The following INPP5F variants were observed in gnomAD, a reference collection of about 807,000 sequenced individuals.
INPP5F encodes the protein phosphatidylinositide 4-phosphatase SAC2.
A neutral mutation model predicts 137.2 loss-of-function variants in INPP5F; 97 were observed. The ratio of observed to expected loss-of-function variants is 0.71; its 90% CI spans 0.60 to 0.84. The LOEUF (loss-of-function observed/expected upper bound fraction) is 0.84. Ranked by LOEUF, INPP5F falls within the 40% of genes least tolerant of loss-of-function variation. The pLI is 0.00. For synonymous variants in INPP5F, 504 were observed against 476.9 expected (o/e 1.06, Z -0.74); for missense variants, 1,271 against 1,371.9 (o/e 0.93, Z 1.16).
chr10:119,732,492 TCTTTTTTC>T (rs1848104199), intron 1 of INPP5F, among the ~76,000 whole-genome samples: 3 of 129,674 alleles, frequency 2.3e-5, no homozygotes, highest in East Asian at 2.1e-4. Flanking sequence ...TTTTCTTTTT[TCTTTTTTC>T]TTTTTTTTTT....
At chr10:119,819,252 A>AGGGG (rs1669331515) in intron 15 of INPP5F, 14 of 44,138 alleles carry the variant, frequency 3.2e-4, no homozygotes, top group Non-Finnish European at 4.6e-4. Context: ...TTAAAGGGGA[A>AGGGG]GGGTGGGTGG....
chr10:119,744,854 C>T (rs983787047), intron 1 of INPP5F, among the ~76,000 whole-genome samples: 4 of 152,190 alleles, frequency 2.6e-5, no homozygotes, highest in Admixed American at 6.5e-5. Flanking sequence ...TCCCTCCTCT[C>T]GTTCTTAAAT....
In INPP5F at chr10:119,804,317, ATAGTGT is replaced by A; in HGVS notation, c.1241+22_1241+27del. On this transcript the variant is annotated intron_variant, in intron 10 of 19. Transcript: ENST00000650623. ...GCACTGGTAAGATGGCTTTCGGAGA[ATAGTGT>A]TGATCAATTGCAGTGTTTTTGGTAG... 4 of 1,594,592 alleles carry A rather than the reference ATAGTGT, an allele frequency of 2.5e-6. No homozygotes were observed. Among genetic ancestry groups the A allele is most frequent in the Non-Finnish European group, 3.4e-6 (4 of 1,172,284 alleles).
intron 3 of INPP5F, among the ~76,000 whole-genome samples, chr10:119,782,924 A>G (rs1229923497): frequency 2.0e-5 from 3 of 152,202 alleles, no homozygotes; most frequent in East Asian, 1.9e-4. Context: ...TGCCTTAAGA[A>G]TAAGTAAAAA....
At chr10:119,811,220 T>C (rs1002736037) in intron 14 of INPP5F, among the ~76,000 whole-genome samples, 2 of 152,230 alleles carry the variant, frequency 1.3e-5, no homozygotes, top group Non-Finnish European at 2.9e-5. Flanking sequence ...AGTAGCAATC[T>C]GTGCTTGTCT....
chr10:119,728,914 C>T (rs1244353261), intron 1 of INPP5F, among the ~76,000 whole-genome samples: 1 of 152,170 alleles, frequency 6.6e-6, no homozygotes, highest in African/African-American at 2.4e-5. Context: ...AGTTTGCCTA[C>T]TTCTTCCCCG....
intron 10 of INPP5F, 107 bp downstream of exon 10, chr10:119,804,404 CATT>C (rs1850695564): frequency 1.7e-5 from 16 of 969,174 alleles, no homozygotes; most frequent in East Asian, 2.8e-5. Flanking sequence ...AATTTCTTCT[CATT>C]GTTGGAAAGA....
intron 1 of INPP5F, among the ~76,000 whole-genome samples, chr10:119,738,164 G>A (rs1848268860): frequency 6.6e-6 from 1 of 152,152 alleles, no homozygotes; most frequent in Non-Finnish European, 1.5e-5. Context: ...AAACAATTGA[G>A]CTTATTGCAA....
At chr10:119,731,995 T>C (rs1287524998) in intron 1 of INPP5F, among the ~76,000 whole-genome samples, 4 of 152,034 alleles carry the variant, frequency 2.6e-5, no homozygotes, top group African/African-American at 9.7e-5. Context: ...TACAAAGTTT[T>C]CACCCCACCC....
intron 9 of INPP5F, among the ~76,000 whole-genome samples, chr10:119,799,003 A>G (rs918315007): frequency 1.3e-5 from 2 of 152,144 alleles, no homozygotes; most frequent in Non-Finnish European, 2.9e-5. Context: ...ATAACAATCT[A>G]AGAAGCATCT....
chr10:119,726,428 C>T (rs759257816), intron 1 of INPP5F, 69 bp downstream of exon 1: 3 of 953,770 alleles, frequency 3.1e-6, no homozygotes, highest in Non-Finnish European at 4.0e-6. Context: ...GCGGCCGGAC[C>T]CCTCAGCCGG....
chr10:119,731,911 T>C (rs780020696), intron 1 of INPP5F, among the ~76,000 whole-genome samples: 14 of 152,224 alleles, frequency 9.2e-5, no homozygotes, highest in Non-Finnish European at 1.6e-4. Flanking sequence ...TAGATCTGTA[T>C]GTTTATTTTT....
chr10:119,822,195 CT>C (rs570425714), intron 16 of INPP5F, among the ~76,000 whole-genome samples: 15 of 152,176 alleles, frequency 9.9e-5, no homozygotes, highest in African/African-American at 2.9e-4. Flanking sequence ...GCCGTAGTTG[CT>C]TTTTTTAACT....
chr10:119,791,774 G>A, intron 4 of INPP5F, 95 bp from the exon 5 acceptor site: 1 of 1,326,172 alleles, frequency 7.5e-7, no homozygotes, highest in Non-Finnish European at 1.0e-6. Flanking sequence ...TTATGCCCTT[G>A]GGATTATTTT....
In INPP5F at chr10:119,827,378, C is replaced by T. The variant is rs1477014610; in HGVS notation, c.2997C>T (p.Thr999=). 1.9e-6 allele frequency: 3 copies of T among 1,614,096 alleles called. No individual in the cohort carries two copies. The highest frequency in any genetic ancestry group is 2.5e-6 in the Non-Finnish European group (3 of 1,180,018). ...TGACCAATCAAGTTTCAAATGAAACCCAATCAGAATCAACAGAACAGACAC... is the reference window on the plus strand; with the variant it reads ...TGACCAATCAAGTTTCAAATGAAACTCAATCAGAATCAACAGAACAGACAC... ...NQMTNQVSNE[T]QSESTEQTPS... is the part of the protein sequence containing the mutation. Residue 999 remains threonine, a synonymous_variant, in exon 20 of 20, where the codon ACC becomes ACT. Coordinates refer to ENST00000650623, the MANE Select transcript of INPP5F (RefSeq NM_014937.4).
At chr10:119,742,821 C>T (rs1258487455) in intron 1 of INPP5F, among the ~76,000 whole-genome samples, 3 of 152,044 alleles carry the variant, frequency 2.0e-5, no homozygotes, top group African/African-American at 4.8e-5. Context: ...GGTGAAACCT[C>T]GTCTCTACTA....
At chr10:119,806,267 G>A in intron 11 of INPP5F, 93 bp from the exon 12 acceptor site, 1 of 842,512 alleles carries the variant, frequency 1.2e-6, no homozygotes, top group East Asian at 2.8e-5. Context: ...TACAGCCAGT[G>A]CTGCTGTTTT....
rs1653421387 is a variant in INPP5F at position 119,827,285 on chromosome 10, G to A, written c.2904G>A (p.Gln968=). The A allele has an allele frequency of 6.2e-7, 1 of 1,614,164 alleles. No homozygotes were observed. The highest frequency in any genetic ancestry group is 8.5e-7 in the Non-Finnish European group (1 of 1,180,030). ...IYCHRFVQDA[Q]NKVTHLSETR... is the part of the protein sequence containing the mutation. The stretch of plus-strand genomic sequence containing the variant: ...GCCACAGATTTGTGCAAGATGCACA[G>A]AACAAAGTGACCCACCTATCAGAGA... The change falls in exon 20 of 20, where the codon CAG becomes CAA. Residue 968 remains glutamine, a synonymous_variant. Coordinates refer to ENST00000650623, the MANE Select transcript of INPP5F (RefSeq NM_014937.4).
At chr10:119,808,395 G>C (rs1370835684) in intron 13 of INPP5F, among the ~76,000 whole-genome samples, 4 of 152,204 alleles carry the variant, frequency 2.6e-5, no homozygotes, top group Non-Finnish European at 5.9e-5. Context: ...GAGCATGTCT[G>C]CTGGCAGGTT....
Sources: allele counts gnomAD v4.1 joint callset (sites outside exome capture counted in the v4.1 genomes callset), GRCh38; gene constraint gnomAD v4.1.1; transcripts MANE v1.5; gene names NCBI Gene and HGNC (gene_info 2026-07-23, HGNC 2026-07-21).